Variants in SP100 observed in about 807,000 individuals in gnomAD.
SP100 encodes SP100 nuclear body protein, also known as nuclear autoantigen Sp-100.
In SP100, 84 loss-of-function variants were observed where a neutral mutation model predicts 130.0. The ratio of observed to expected loss-of-function variants is 0.65; its 90% CI spans 0.54 to 0.77. The LOEUF (loss-of-function observed/expected upper bound fraction) is 0.77. Among genes scored for constraint, SP100 ranks in the 30% least tolerant of loss-of-function variants. The probability of loss-of-function intolerance (pLI) is 0.00; values close to 1 mark genes in which losing one functional copy is unlikely to be tolerated. For missense variants in SP100, 978 were observed against 1,052.2 expected, an observed-to-expected ratio of 0.93 and a Z score of 0.97; for synonymous variants, 331 against 351.7, an observed-to-expected ratio of 0.94 and a Z score of 0.66.
intron 24 of SP100, among the ~76,000 whole-genome samples, chr2:230,532,611 A>G (rs1057208924): frequency 2.6e-5 from 4 of 151,928 alleles, no homozygotes; most frequent in Admixed American, 6.5e-5. Context: ...TCATGTGTGT[A>G]CTTGAAAACA....
intron 2 of SP100, among the ~76,000 whole-genome samples, chr2:230,428,446 CT>C (rs556816962): frequency 0.13 from 18,381 of 144,930 alleles, 1,203 homozygotes; most frequent in African/African-American, 0.17. Context: ...GTGCTACACA[CT>C]TTTTTTTTTT....
At chr2:230,476,906 C>T (rs1034912524) in intron 17 of SP100, among the ~76,000 whole-genome samples, 2 of 152,122 alleles carry the variant, frequency 1.3e-5, no homozygotes, top group African/African-American at 4.8e-5. Flanking sequence ...TGCACTGTTG[C>T]TCAGGCTGGA....
At chr2:230,498,673 T>A (rs1195477195) in intron 19 of SP100, 138 bp downstream of exon 19, 3 of 434,402 alleles carry the variant, frequency 6.9e-6, no homozygotes, top group East Asian at 7.7e-5. Flanking sequence ...AGTTCCAAAA[T>A]ATGTCAGGGA....
rs745569222 is a variant in SP100, at chr2:230,443,115, T to A, written c.270+16T>A. Reference sequence around the variant, plus strand: ...AATGTTTGAAGTAAGTAAAGTTTATTATGTCACAATCTGGTAAAGCAGCCC... The same window carrying A: ...AATGTTTGAAGTAAGTAAAGTTTATAATGTCACAATCTGGTAAAGCAGCCC... On this transcript the variant is annotated intron_variant, in intron 3 of 28. Coordinates refer to ENST00000340126, the MANE Select transcript of SP100 (RefSeq NM_001080391.2). 1 of 1,612,700 alleles carries A rather than the reference T, an allele frequency of 6.2e-7. No homozygotes were observed. The highest frequency in any genetic ancestry group is 8.5e-7 in the Non-Finnish European group (1 of 1,178,982).
chr2:230,418,328 A>G (rs1559477185), intron 2 of SP100, among the ~76,000 whole-genome samples: 1 of 151,790 alleles, frequency 6.6e-6, no homozygotes, highest in Non-Finnish European at 1.5e-5. Context: ...TTGAGGAGGG[A>G]TCTTAATTGG....
At chr2:230,435,998 G>T (rs1477523961) in intron 2 of SP100, among the ~76,000 whole-genome samples, 3 of 152,176 alleles carry the variant, frequency 2.0e-5, no homozygotes, top group Non-Finnish European at 4.4e-5. Context: ...GCAAACTAAT[G>T]CAGGAATATT....
At chr2:230,431,057 A>G (rs1034941734) in intron 2 of SP100, among the ~76,000 whole-genome samples, 2 of 152,220 alleles carry the variant, frequency 1.3e-5, no homozygotes, top group Non-Finnish European at 2.9e-5. Context: ...ACTGCTGACC[A>G]TGCTACCTGG....
rs1026241065 is a variant in SP100, at chr2:230,437,847, C to T, written c.108-5090C>T. On this transcript the variant is annotated intron_variant, in intron 2 of 28. Coordinates refer to ENST00000340126, the MANE Select transcript of SP100 (RefSeq NM_001080391.2). ...CTGGGATTACAGGCATGAGCCACTG[C>T]GCCCAGCCGTGTTCTCTGTTTTTAA... Among the ~76,000 whole-genome samples, 11 of 152,228 alleles carry T rather than the reference C, an allele frequency of 7.2e-5. 1 individual carries two copies. Among genetic ancestry groups the T allele is most frequent in the East Asian group, 5.8e-4 (3 of 5,192 alleles).
intron 2 of SP100, among the ~76,000 whole-genome samples, chr2:230,435,581 G>A (rs1013392380): frequency 1.3e-5 from 2 of 151,894 alleles, no homozygotes; most frequent in African/African-American, 2.4e-5. Flanking sequence ...ATTTAAGTTC[G>A]GGGGTACATG....
intron 2 of SP100, 113 bp downstream of exon 2, chr2:230,417,778 TG>T: frequency 6.9e-7 from 1 of 1,451,332 alleles, no homozygotes; most frequent in East Asian, 2.5e-5. Flanking sequence ...ATAAATTGCT[TG>T]TTTGTTTTTT....
chr2:230,487,774 G>T (rs1026100300), intron 17 of SP100, among the ~76,000 whole-genome samples: 9 of 152,184 alleles, frequency 5.9e-5, no homozygotes, highest in African/African-American at 2.2e-4. Context: ...ATTACTTTGG[G>T]CAGTATGGCC....
intron 24 of SP100, chr2:230,515,228 C>T (rs1690842330): frequency 1.2e-6 from 2 of 1,613,402 alleles, no homozygotes; most frequent in Non-Finnish European, 1.7e-6. Flanking sequence ...GCGGACAAGG[C>T]CCATTATGAA....
intron 4 of SP100, among the ~76,000 whole-genome samples, chr2:230,445,759 A>G (rs1436813896): frequency 2.0e-5 from 3 of 152,168 alleles, no homozygotes. Flanking sequence ...TACTGCCCAC[A>G]TTCTCAGGGG....
In SP100 at chr2:230,457,290, T is replaced by C. The variant is rs918217082; in HGVS notation, c.821-3972T>C. On this transcript the variant is annotated intron_variant, in intron 8 of 28. Coordinates refer to ENST00000340126, the MANE Select transcript of SP100 (RefSeq NM_001080391.2). ...GAAGCCCAGTGCTATTGAAGCCAGC[T>C]TGCTGCTAGGATGGGCCTCAAGCCC... 5.3e-5 allele frequency among the ~76,000 whole-genome samples: 8 copies of C among 152,346 alleles called. No homozygotes were observed. In the East Asian group the frequency reaches 1.3e-3, roughly 26 times the overall value.
At chr2:230,480,347 A>C (rs1395210138) in intron 17 of SP100, among the ~76,000 whole-genome samples, 1 of 152,272 alleles carries the variant, frequency 6.6e-6, no homozygotes, top group Non-Finnish European at 1.5e-5. Context: ...TACTTAAAGC[A>C]AGCAAAGAAA....
At chr2:230,528,096 A>G (rs1405909765) in intron 24 of SP100, among the ~76,000 whole-genome samples, 1 of 152,240 alleles carries the variant, frequency 6.6e-6, no homozygotes, top group East Asian at 1.9e-4. Context: ...ACATCTACAG[A>G]ACTCTACACC....
chr2:230,497,304 A>T (rs895719040), intron 18 of SP100, among the ~76,000 whole-genome samples: 3 of 152,022 alleles, frequency 2.0e-5, no homozygotes, highest in Non-Finnish European at 4.4e-5. Context: ...ATAGATGAAC[A>T]GAAAAAGAGT....
At chr2:230,474,812 G>A (rs571805817) in intron 17 of SP100, among the ~76,000 whole-genome samples, 86 of 152,158 alleles carry the variant, frequency 5.7e-4, no homozygotes, top group African/African-American at 1.8e-3. Context: ...GCATTAAGTT[G>A]CTTAGGATAA....
At chr2:230,519,487 A>T (rs1414318246) in intron 24 of SP100, among the ~76,000 whole-genome samples, 1 of 152,176 alleles carries the variant, frequency 6.6e-6, no homozygotes, top group Non-Finnish European at 1.5e-5. Context: ...TGAGAGAAGG[A>T]AATGTGTGTA....
Sources: gnomAD v4.1 joint callset for allele counts (sites outside exome capture counted in the v4.1 genomes callset) on GRCh38, gnomAD v4.1.1 for gene constraint, MANE v1.5 for transcripts, NCBI Gene and HGNC (gene_info 2026-07-23, HGNC 2026-07-21) for gene names.